Variants in PHRF1 observed in about 807,000 individuals in gnomAD.
The protein encoded by PHRF1 is PHD and RING finger domain-containing protein 1.
A neutral mutation model predicts 128.9 loss-of-function variants in PHRF1; 53 were observed. The ratio of observed to expected loss-of-function variants is 0.41; its 90% CI spans 0.33 to 0.52. The LOEUF (loss-of-function observed/expected upper bound fraction) is 0.52. Among genes scored for constraint, PHRF1 ranks in the 20% least tolerant of loss-of-function variants. The pLI is 0.21. For synonymous variants in PHRF1, 1,178 were observed against 980.6 expected (o/e 1.20, Z -3.76); for missense variants, 2,503 against 2,284.5 (o/e 1.10, Z -1.95).
In PHRF1 at chr11:591,423, T is replaced by G. The variant is rs1854965353; in HGVS notation, c.460T>G (p.Cys154Gly). 2 of 1,609,914 alleles carry G rather than the reference T, an allele frequency of 1.2e-6. No individual in the cohort carries two copies. The highest frequency in any genetic ancestry group is 1.7e-6 in the Non-Finnish European group (2 of 1,178,322). ...SCPVDRTLFK[C>G]ICIRAQFGGK... ...TCCAGTTGATCGAACTCTATTTAAGTGCATTTGTATTCGAGCTCAATTTGG... is the reference window on the plus strand; with the variant it reads ...TCCAGTTGATCGAACTCTATTTAAGGGCATTTGTATTCGAGCTCAATTTGG... Residue 154 changes from cysteine to glycine, a missense_variant, in exon 5 of 18, where the codon TGC (cysteine) becomes GGC (glycine). Coordinates refer to ENST00000264555, the MANE Select transcript of PHRF1 (RefSeq NM_001286581.2).
Position 608,658 on chromosome 11 carries a change from A to G in PHRF1, c.3202A>G (p.Lys1068Glu), listed in dbSNP as rs768498030. ...RSSSRERAKR[K>E]KAKDKSREHR... ...CAGCAGCCGAGAGCGAGCTAAGAGG[A>G]AGAAAGCCAAGGACAAGAGCAGGGA... The change falls in exon 14 of 18, where the codon AAG (lysine) becomes GAG (glutamate). Residue 1068 changes from lysine to glutamate, a missense_variant. Physicochemically the swap from Lys to Glu is moderately conservative, Grantham distance 56. Coordinates refer to ENST00000264555, the MANE Select transcript of PHRF1 (RefSeq NM_001286581.2). 4 of 1,612,398 alleles carry G rather than the reference A, an allele frequency of 2.5e-6. No individual in the cohort carries two copies. In the East Asian group the frequency reaches 8.9e-5, roughly 36 times the overall value.
intron 3 of PHRF1, among the ~76,000 whole-genome samples, chr11:583,461 G>A (rs934814615): frequency 3.9e-5 from 6 of 152,194 alleles, no homozygotes; most frequent in South Asian, 2.1e-4. Flanking sequence ...AGGCTACAGC[G>A]AGCTGAGATC....
Position 581,950 on chromosome 11 carries a change from C to G in PHRF1, c.95-12C>G. The G allele has an allele frequency of 6.3e-7, 1 of 1,583,676 alleles. No individual in the cohort carries two copies. The highest frequency in any genetic ancestry group is 8.6e-7 in the Non-Finnish European group (1 of 1,166,034). ...CGCCGCCCTGCGGCCTGTGTCTCAC[C>G]CTGGTGTCTAGAAGAAAGCAGCGTG... On this transcript the variant is annotated splice_polypyrimidine_tract_variant and intron_variant, in intron 2 of 17. Transcript: ENST00000264555.
intron 12 of PHRF1, 122 bp downstream of exon 12, chr11:605,846 T>G: frequency 1.4e-6 from 2 of 1,402,958 alleles, no homozygotes; most frequent in Non-Finnish European, 1.9e-6. Context: ...GCACCTCCCC[T>G]CAGCTGTCAT....
intron 17 of PHRF1, 139 bp downstream of exon 17, chr11:611,221 T>C (rs1205255090): frequency 2.9e-6 from 4 of 1,378,298 alleles, no homozygotes; most frequent in South Asian, 2.6e-5. Flanking sequence ...GGGGGCTGTA[T>C]TGCCACATCC....
At chr11:590,784 A>G (rs1012064457) in intron 4 of PHRF1, among the ~76,000 whole-genome samples, 1 of 152,068 alleles carries the variant, frequency 6.6e-6, no homozygotes, top group East Asian at 1.9e-4. Flanking sequence ...GCTCACCGCA[A>G]CCTCAGCCTC....
chr11:607,119 T>C lies in PHRF1; in HGVS notation c.1663T>C (p.Phe555Leu). ...CAGTCTGTCCAGAGGGGAAGAAGGA[T>C]TCAAGGGCTGCCTGCAGCCCCGAGC... ...SGSLSRGEEG[F>L]KGCLQPRALP... The change falls in exon 14 of 18, where the codon TTC becomes CTC. Residue 555 changes from phenylalanine to leucine, a missense_variant. By Grantham distance (22) the Phe-to-Leu change is conservative. Transcript: ENST00000264555. 1 of 1,611,404 alleles carries C rather than the reference T, an allele frequency of 6.2e-7. No homozygotes were observed. Among genetic ancestry groups the C allele is most frequent in the Non-Finnish European group, 8.5e-7 (1 of 1,178,732 alleles).
chr11:588,271 G>C (rs1466268349), intron 4 of PHRF1, among the ~76,000 whole-genome samples: 1 of 152,200 alleles, frequency 6.6e-6, no homozygotes, highest in African/African-American at 2.4e-5. Flanking sequence ...TCATGCTGCT[G>C]GTGGTGGCAG....
intron 5 of PHRF1, 32 bp from the exon 6 acceptor site, chr11:592,527 C>G: frequency 6.2e-7 from 1 of 1,600,460 alleles, no homozygotes; most frequent in Non-Finnish European, 8.6e-7. Flanking sequence ...AGTTTGGGTC[C>G]TGTGTGGTGG....
intron 14 of PHRF1, among the ~76,000 whole-genome samples, chr11:609,926 C>T (rs1310308158): frequency 6.6e-6 from 1 of 152,166 alleles, no homozygotes; most frequent in Admixed American, 6.5e-5. Flanking sequence ...GTGAGTAGGG[C>T]CCCGGCCACC....
Position 610,514 on chromosome 11 carries a change from G to A in PHRF1, c.4430G>A (p.Gly1477Asp), listed in dbSNP as rs1218081994. 1 of 1,603,466 alleles carries A rather than the reference G, an allele frequency of 6.2e-7. No individual in the cohort carries two copies. ...TGTCCCTCCCAGGTTTACAGCCCCG[G>A]CCTGCCGCCTGCCCCGGCCCAGCCC... Reference protein sequence around the residue: ...DTDPSQVYSPGLPPAPAQPSS... With the variant: ...DTDPSQVYSPDLPPAPAQPSS... The change falls in exon 16 of 18, where the codon GGC becomes GAC. Residue 1477 changes from glycine (G) to aspartate (D), a missense_variant. By Grantham distance (94) the Gly-to-Asp change is moderately conservative. Coordinates refer to ENST00000264555, the MANE Select transcript of PHRF1 (RefSeq NM_001286581.2).
chr11:595,349 A>G (rs1589879620), intron 6 of PHRF1, among the ~76,000 whole-genome samples: 1 of 152,208 alleles, frequency 6.6e-6, no homozygotes, highest in Non-Finnish European at 1.5e-5. Context: ...CTGACATTAC[A>G]TGAAATAAGA....
chr11:586,113 A>G (rs772943886), intron 3 of PHRF1, among the ~76,000 whole-genome samples: 205 of 152,116 alleles, frequency 1.3e-3, no homozygotes, highest in Non-Finnish European at 1.7e-3. Flanking sequence ...CACCTGCCTC[A>G]GCCTCCCAAA....
intron 6 of PHRF1, among the ~76,000 whole-genome samples, chr11:596,223 ATCTTTGCATAGAC>A (rs1855266426): frequency 1.3e-5 from 2 of 152,122 alleles, no homozygotes; most frequent in African/African-American, 4.8e-5. Context: ...AGTTTCAAGG[ATCTTTGCATAGAC>A]TCCCGAGCCT....
chr11:587,256 C>T lies in PHRF1; in HGVS notation c.215-3C>T, dbSNP rs749780152. 2.5e-6 allele frequency: 4 copies of T among 1,612,900 alleles called. No homozygotes were observed. The highest frequency in any genetic ancestry group is 3.4e-6 in the Non-Finnish European group (4 of 1,179,710). ...TGCACCAGCTGGCATGTTTCCTCTCCAGGTTCCGAGGATTCTGAAGACGAC... is the reference window on the plus strand; with the variant it reads ...TGCACCAGCTGGCATGTTTCCTCTCTAGGTTCCGAGGATTCTGAAGACGAC... On this transcript the variant is annotated splice_polypyrimidine_tract_variant and splice_region_variant and intron_variant, in intron 3 of 17. Transcript: ENST00000264555.
rs762237039 is a variant in PHRF1, at chr11:607,662, AGGGTGCCCC to A, written c.2210_2218del (p.Val737_Arg739del). ...ACGGGCAGAGAGCGAGGCCAGCAGC[AGGGTGCCCC>A]GGGAGCCCGGGGTGCACACGGGCAG... On this transcript the variant is annotated inframe_deletion, in exon 14 of 18. Transcript: ENST00000264555. The A allele has an allele frequency of 3.1e-5, 50 of 1,610,550 alleles. No homozygotes were observed. The highest frequency in any genetic ancestry group is 5.5e-5 in the South Asian group (5 of 90,972).
At chr11:579,488 T>C (rs1185919456) in intron 1 of PHRF1, among the ~76,000 whole-genome samples, 1 of 152,196 alleles carries the variant, frequency 6.6e-6, no homozygotes, top group Non-Finnish European at 1.5e-5. Context: ...AAGGTCCTCT[T>C]ATCTGAGAGC....
chr11:604,974 C>T, intron 10 of PHRF1, 145 bp from the exon 11 acceptor site: 2 of 786,046 alleles, frequency 2.5e-6, no homozygotes, highest in Non-Finnish European at 4.0e-6. Context: ...GGTCATCATG[C>T]CTGAGAAGCC....
chr11:595,542 G>C (rs1029736242), intron 6 of PHRF1, among the ~76,000 whole-genome samples: 1 of 152,242 alleles, frequency 6.6e-6, no homozygotes, highest in Admixed American at 6.5e-5. Flanking sequence ...GGAGCCATGG[G>C]TGCCTGCACC....
Sources: allele counts gnomAD v4.1 joint callset (sites outside exome capture counted in the v4.1 genomes callset), GRCh38; gene constraint gnomAD v4.1.1; transcripts MANE v1.5; gene names NCBI Gene and HGNC (gene_info 2026-07-23, HGNC 2026-07-21).